HPSE2: variants seen among roughly 807,000 people sequenced by gnomAD.
The protein encoded by HPSE2 is heparanase 2 (inactive).
Under a neutral mutation model 60.5 loss-of-function variants are expected in HPSE2, and 38 were observed. The ratio of observed to expected loss-of-function variants is 0.63; its 90% CI spans 0.48 to 0.82. HPSE2 has a LOEUF of 0.82. HPSE2 is among the 40% of genes least tolerant of loss of function. The pLI is 0.00. For missense variants in HPSE2, 713 were observed against 740.4 expected, an observed-to-expected ratio of 0.96 and a Z score of 0.43; for synonymous variants, 295 against 293.2, an observed-to-expected ratio of 1.01 and a Z score of -0.06.
In HPSE2 at chr10:98,533,503, G is replaced by T. The variant is rs538755737; in HGVS notation, c.1321-43307C>A. 2.0e-4 allele frequency among the ~76,000 whole-genome samples: 30 copies of T among 152,220 alleles called. No individual in the cohort carries two copies. In the South Asian group the frequency reaches 6.2e-3, roughly 32 times the overall value. ...GTCCAAATGTCAATTTTAAACATATGTTTTTTATATTGAATAGACCTGTAT... is the reference window on the plus strand; with the variant it reads ...GTCCAAATGTCAATTTTAAACATATTTTTTTTATATTGAATAGACCTGTAT... On this transcript the variant is annotated intron_variant, in intron 9 of 11. Coordinates refer to ENST00000370552, the MANE Select transcript of HPSE2 (RefSeq NM_021828.5).
chr10:98,528,670 G>A (rs1165613816), intron 9 of HPSE2, among the ~76,000 whole-genome samples: 2 of 152,132 alleles, frequency 1.3e-5, no homozygotes, highest in African/African-American at 4.8e-5. Context: ...AATGAATTTC[G>A]GGACCAAATC....
At chr10:98,521,891 C>T (rs575934626) in intron 9 of HPSE2, among the ~76,000 whole-genome samples, 2 of 152,212 alleles carry the variant, frequency 1.3e-5, no homozygotes, top group East Asian at 1.9e-4. Flanking sequence ...GGACAGAAAA[C>T]CAAATACCAC....
At chr10:98,947,695 T>C (rs1020187381) in intron 3 of HPSE2, among the ~76,000 whole-genome samples, 1 of 151,470 alleles carries the variant, frequency 6.6e-6, no homozygotes, top group African/African-American at 2.4e-5. Context: ...TTGGTGTAAA[T>C]ACAGTAGGGT....
chr10:98,779,236 C>G (rs1440467922), intron 3 of HPSE2, among the ~76,000 whole-genome samples: 1 of 152,130 alleles, frequency 6.6e-6, no homozygotes, highest in Non-Finnish European at 1.5e-5. Context: ...ATTTAAAGCT[C>G]TGGGGAAGAC....
At chr10:99,291,583 A>G in the HPSE2 span, among the ~76,000 whole-genome samples, 1 of 5,448 alleles carries the variant, frequency 1.8e-4, no homozygotes, top group African/African-American at 1.3e-3. Flanking sequence ...ACTCCATCTG[A>G]AAAAAAAAAA....
At chr10:98,536,947 TG>T in intron 9 of HPSE2, among the ~76,000 whole-genome samples, 1 of 152,284 alleles carries the variant, frequency 6.6e-6, no homozygotes, top group Non-Finnish European at 1.5e-5. Context: ...CAAGTCTCTG[TG>T]GCCCATTTTA....
intron 3 of HPSE2, among the ~76,000 whole-genome samples, chr10:98,837,059 A>G (rs963444749): frequency 1.3e-5 from 2 of 152,060 alleles, no homozygotes; most frequent in Admixed American, 1.3e-4. Flanking sequence ...ACAAACAAAC[A>G]AACAAATAAA....
chr10:98,535,180 C>T (rs976195274), intron 9 of HPSE2, among the ~76,000 whole-genome samples: 3 of 152,102 alleles, frequency 2.0e-5, no homozygotes, highest in African/African-American at 4.8e-5. Flanking sequence ...TAATAATGAA[C>T]AATTTTATTT....
chr10:99,234,482 C>T (rs2133956546), intron 1 of HPSE2, among the ~76,000 whole-genome samples: 1 of 152,360 alleles, frequency 6.6e-6, no homozygotes, highest in Admixed American at 6.5e-5. Context: ...GAACCCACAG[C>T]TGAGGCTCCA....
At chr10:99,248,318 C>A in the HPSE2 span, among the ~76,000 whole-genome samples, 1 of 152,180 alleles carries the variant, frequency 6.6e-6, no homozygotes, top group African/African-American at 2.4e-5. Context: ...TTATTGGGAA[C>A]TAGAGAAAAG....
At chr10:99,249,434 G>T in the HPSE2 span, among the ~76,000 whole-genome samples, 1 of 152,178 alleles carries the variant, frequency 6.6e-6, no homozygotes, top group Non-Finnish European at 1.5e-5. Context: ...CCTCTCTTTG[G>T]CTGATTTCTC....
At chr10:99,295,947 C>T in the HPSE2 span, among the ~76,000 whole-genome samples, 1 of 152,200 alleles carries the variant, frequency 6.6e-6, no homozygotes, top group African/African-American at 2.4e-5. Context: ...TTAGACAACA[C>T]TGCCTCCAAA....
intron 3 of HPSE2, among the ~76,000 whole-genome samples, chr10:99,011,722 C>T (rs1957019793): frequency 6.9e-6 from 1 of 144,226 alleles, no homozygotes; most frequent in African/African-American, 2.6e-5. Context: ...TGCCACTGCA[C>T]TCCAGCCTGG....
chr10:98,663,960 C>T (rs1270138105), intron 6 of HPSE2, among the ~76,000 whole-genome samples: 1 of 152,166 alleles, frequency 6.6e-6, no homozygotes, highest in Non-Finnish European at 1.5e-5. Context: ...GTAGGCTCAG[C>T]TCTATGTTGG....
chr10:98,788,947 A>G (rs983072727), intron 3 of HPSE2, among the ~76,000 whole-genome samples: 4 of 152,020 alleles, frequency 2.6e-5, no homozygotes, highest in African/African-American at 9.7e-5. Flanking sequence ...AGCTGTTCCT[A>G]TTCGGCCATC....
intron 3 of HPSE2, among the ~76,000 whole-genome samples, chr10:99,007,452 C>T (rs4919267): frequency 0.16 from 24,065 of 152,132 alleles, 2,757 homozygotes; most frequent in African/African-American, 0.32. Flanking sequence ...TCAATGTGCC[C>T]CTTCTTATTT....
intron 4 of HPSE2, among the ~76,000 whole-genome samples, chr10:98,742,636 T>G (rs532922744): frequency 1.3e-4 from 20 of 152,226 alleles, no homozygotes; most frequent in African/African-American, 4.6e-4. Flanking sequence ...ATATTACAGA[T>G]TCATGAAATC....
At position 98,570,576 on chromosome 10, in the gene HPSE2, A is replaced by G. The variant is rs151119853; in HGVS notation, c.1320+44328T>C. Among the ~76,000 whole-genome samples, 27 of 152,140 alleles carry G rather than the reference A, an allele frequency of 1.8e-4. No individual in the cohort carries two copies. The East Asian group carries it at 2.7e-3, about 15-fold the overall frequency. ...CTTTTTTTGACCTGGGCATTAGAATAAAAAAACAGCAGTTAGTAATGACTT... is the reference window on the plus strand; with the variant it reads ...CTTTTTTTGACCTGGGCATTAGAATGAAAAAACAGCAGTTAGTAATGACTT... On this transcript the variant is annotated intron_variant, in intron 9 of 11. Transcript: ENST00000370552.
intron 9 of HPSE2, among the ~76,000 whole-genome samples, chr10:98,549,840 G>T (rs1346725297): frequency 6.6e-6 from 1 of 151,940 alleles, no homozygotes; most frequent in Non-Finnish European, 1.5e-5. Context: ...TCTCTTAGAC[G>T]TGGTCTTTTC....
Sources: allele counts gnomAD v4.1 joint callset (sites outside exome capture counted in the v4.1 genomes callset), GRCh38; gene constraint gnomAD v4.1.1; transcripts MANE v1.5; gene names NCBI Gene and HGNC (gene_info 2026-07-23, HGNC 2026-07-21).